NRXN3: variants seen among roughly 807,000 people sequenced by gnomAD.
NRXN3 encodes neurexin III.
In NRXN3, 32 loss-of-function variants were observed where a neutral mutation model predicts 137.6. That is an observed-to-expected ratio of 0.23 (90% confidence interval 0.18 to 0.31). NRXN3 has a LOEUF of 0.31. NRXN3 is among the 10% of genes least tolerant of loss of function. NRXN3 has a pLI of 1.00. For missense variants in NRXN3, 1,574 were observed against 2,062.5 expected (o/e 0.76, Z 4.59); for synonymous variants, 798 against 784.5 (o/e 1.02, Z -0.29).
At chr14:78,284,052 G>C (rs1426755096) in intron 3 of NRXN3, among the ~76,000 whole-genome samples, 3 of 152,178 alleles carry the variant, frequency 2.0e-5, no homozygotes, top group African/African-American at 7.2e-5. Flanking sequence ...TGTTAGAACA[G>C]TGCCTGGCAC....
chr14:78,409,270 G>C lies in NRXN3; in HGVS notation c.757+111410G>C, dbSNP rs35357313. On this transcript the variant is annotated intron_variant, in intron 4 of 20. Transcript: ENST00000335750. Reference sequence around the variant, plus strand: ...TACCATTCTATGTGCTTTATGTGCTGAAGTCATTGCATTATCACAACAAGC... The same window carrying C: ...TACCATTCTATGTGCTTTATGTGCTCAAGTCATTGCATTATCACAACAAGC... 6.0e-4 allele frequency among the ~76,000 whole-genome samples: 91 copies of C among 151,860 alleles called. 2 individuals carry two copies. The highest frequency in any genetic ancestry group is 2.9e-3 in the South Asian group (14 of 4,782).
chr14:78,931,611 T>G (rs2099322183), intron 10 of NRXN3, among the ~76,000 whole-genome samples: 1 of 152,124 alleles, frequency 6.6e-6, no homozygotes, highest in African/African-American at 2.4e-5. Flanking sequence ...TAGTGTCAAA[T>G]GCTTTACCTA....
chr14:79,481,398 T>G (rs913979817), intron 16 of NRXN3, among the ~76,000 whole-genome samples: 6 of 152,212 alleles, frequency 3.9e-5, no homozygotes, highest in Non-Finnish European at 5.9e-5. Context: ...CTTATTGTTG[T>G]GTGAACATCA....
chr14:78,672,818 A>G (rs1172821095), intron 6 of NRXN3, among the ~76,000 whole-genome samples: 1 of 152,228 alleles, frequency 6.6e-6, no homozygotes, highest in East Asian at 1.9e-4. Context: ...GAAAGCTTAA[A>G]TGAAAAAAAT....
At chr14:78,349,193 T>A (rs2083149928) in intron 4 of NRXN3, among the ~76,000 whole-genome samples, 1 of 152,244 alleles carries the variant, frequency 6.6e-6, no homozygotes, top group Non-Finnish European at 1.5e-5. Context: ...ATGCGTGAAA[T>A]GAGCTCATTG....
At chr14:79,399,018 A>AAAG (rs1462498132) in intron 15 of NRXN3, among the ~76,000 whole-genome samples, 1 of 151,002 alleles carries the variant, frequency 6.6e-6, no homozygotes, top group East Asian at 1.9e-4. Flanking sequence ...CAAAAAAAAA[A>AAAG]AAAAAAAAAG....
chr14:78,411,794 T>C (rs374397528), intron 4 of NRXN3, among the ~76,000 whole-genome samples: 26 of 152,186 alleles, frequency 1.7e-4, no homozygotes, highest in African/African-American at 6.0e-4. Context: ...GATTGTTTTT[T>C]CCAAGGGTTG....
chr14:78,568,217 G>C (rs1325151360), intron 4 of NRXN3, among the ~76,000 whole-genome samples: 2 of 152,144 alleles, frequency 1.3e-5, no homozygotes, highest in Non-Finnish European at 2.9e-5. Context: ...GTATTAGGAG[G>C]GGGGCCTTTT....
At chr14:79,294,947 A>G (rs1419505299) in intron 15 of NRXN3, among the ~76,000 whole-genome samples, 1 of 151,836 alleles carries the variant, frequency 6.6e-6, no homozygotes, top group Non-Finnish European at 1.5e-5. Flanking sequence ...CCCTTAACAG[A>G]CCTTCCTTAG....
chr14:78,973,994 A>G (rs914223223), intron 14 of NRXN3, among the ~76,000 whole-genome samples: 1 of 152,132 alleles, frequency 6.6e-6, no homozygotes, highest in Non-Finnish European at 1.5e-5. Flanking sequence ...CTCTGTCACT[A>G]TTTTACCATA....
intron 10 of NRXN3, among the ~76,000 whole-genome samples, chr14:78,926,384 A>G (rs1379486687): frequency 2.0e-5 from 3 of 151,370 alleles, no homozygotes; most frequent in Non-Finnish European, 2.9e-5. Context: ...TCCATTTAAT[A>G]TTTTTGGACT....
intron 20 of NRXN3, among the ~76,000 whole-genome samples, chr14:79,856,332 A>G (rs926853593): frequency 2.0e-5 from 3 of 152,198 alleles, no homozygotes; most frequent in African/African-American, 7.2e-5. Flanking sequence ...ACAAATACAC[A>G]CTTCTATGTC....
intron 10 of NRXN3, among the ~76,000 whole-genome samples, chr14:78,829,843 G>C (rs1007448849): frequency 1.7e-4 from 26 of 152,140 alleles, no homozygotes; most frequent in Non-Finnish European, 3.8e-4. Flanking sequence ...TGAGAAAATG[G>C]TTCTAACAGA....
chr14:78,209,977 A>G (rs1223355498), intron 1 of NRXN3, among the ~76,000 whole-genome samples: 2 of 152,232 alleles, frequency 1.3e-5, no homozygotes, highest in African/African-American at 4.8e-5. Context: ...CACAAAGGCA[A>G]GTATTTTAAT....
At chr14:78,288,363 T>C (rs946968056) in intron 3 of NRXN3, among the ~76,000 whole-genome samples, 1 of 152,248 alleles carries the variant, frequency 6.6e-6, no homozygotes, top group Non-Finnish European at 1.5e-5. Context: ...ATAGTATTAA[T>C]TGAACTTAAT....
At chr14:79,302,511 A>G (rs2085318309) in intron 15 of NRXN3, among the ~76,000 whole-genome samples, 1 of 151,954 alleles carries the variant, frequency 6.6e-6, no homozygotes, top group Non-Finnish European at 1.5e-5. Flanking sequence ...TCTCATGGTA[A>G]CTACAGAGTG....
intron 1 of NRXN3, among the ~76,000 whole-genome samples, chr14:78,235,301 G>A (rs1170392213): frequency 6.6e-6 from 1 of 151,688 alleles, no homozygotes; most frequent in African/African-American, 2.4e-5. Flanking sequence ...TGATTATTTG[G>A]CTCTCTCCAT....
chr14:79,223,815 C>G (rs958969828), intron 15 of NRXN3, among the ~76,000 whole-genome samples: 7 of 152,118 alleles, frequency 4.6e-5, no homozygotes, highest in Admixed American at 1.3e-4. Flanking sequence ...GTGGTTGCCT[C>G]TCAGTGCTAT....
At chr14:79,592,326 G>A (rs1412265288) in intron 16 of NRXN3, among the ~76,000 whole-genome samples, 4 of 152,134 alleles carry the variant, frequency 2.6e-5, no homozygotes, top group Non-Finnish European at 5.9e-5. Context: ...TTTGCTACCT[G>A]CTGAATGATG....
Sources: allele counts gnomAD v4.1 joint callset (sites outside exome capture counted in the v4.1 genomes callset), GRCh38; gene constraint gnomAD v4.1.1; transcripts MANE v1.5; gene names NCBI Gene and HGNC (gene_info 2026-07-23, HGNC 2026-07-21).